Variants in CCDC144A observed in about 807,000 individuals in gnomAD.
The protein encoded by CCDC144A is coiled-coil domain containing 144A.
Under a neutral mutation model 143.8 loss-of-function variants are expected in CCDC144A, and 41 were observed. That is an observed-to-expected ratio of 0.29 (90% CI 0.22 to 0.37). The LOEUF is 0.37. Ranked by LOEUF, CCDC144A falls within the 10% of genes least tolerant of loss-of-function variation. The pLI is 1.00. For missense variants in CCDC144A, 637 were observed against 1,488.8 expected (o/e 0.43, Z 9.41); for synonymous variants, 242 against 517.9 (o/e 0.47, Z 7.23).
At position 16,775,054 on chromosome 17, in the gene CCDC144A, A is replaced by C. The variant is rs1597602342; in HGVS notation, c.*1421A>C. 2 of 151,744 alleles carry C rather than the reference A, an allele frequency of 1.3e-5. No individual in the cohort carries two copies. Among genetic ancestry groups the C allele is most frequent in the African/African-American group, 4.8e-5 (2 of 41,250 alleles). 9.4% of individuals were successfully genotyped at this position (151,744 alleles called of 1,614,324 possible). On this transcript the variant is annotated 3_prime_UTR_variant, in exon 17 of 17. Transcript: ENST00000399273. ...CAAAGGACATGTCTCATTCCTTTTCATGGCTGCATAGTATTCCATGGTGTA... is the reference window on the plus strand; with the variant it reads ...CAAAGGACATGTCTCATTCCTTTTCCTGGCTGCATAGTATTCCATGGTGTA...
intron 12 of CCDC144A, among the ~76,000 whole-genome samples, chr17:16,748,275 C>T (rs1914629893): frequency 6.6e-6 from 1 of 151,966 alleles, no homozygotes; most frequent in Non-Finnish European, 1.5e-5. Flanking sequence ...TCTTTGATGC[C>T]TAATTTGTTG....
At chr17:16,680,640 G>C in the CCDC144A span, among the ~76,000 whole-genome samples, 1 of 147,328 alleles carries the variant, frequency 6.8e-6, no homozygotes, top group Non-Finnish European at 1.5e-5. Flanking sequence ...AGGAAGAAAG[G>C]GAGGGAGGGA....
At chr17:16,762,131 C>G (rs539498280) in intron 13 of CCDC144A, among the ~76,000 whole-genome samples, 182 bp from the exon 14 acceptor site, 287 of 152,316 alleles carry the variant, frequency 1.9e-3, no homozygotes, top group African/African-American at 6.6e-3. Flanking sequence ...TCAGTTGGTA[C>G]TGGTGATAAA....
At chr17:16,772,245 TCTGGCTC>T in intron 16 of CCDC144A, among the ~76,000 whole-genome samples, 1 of 151,708 alleles carries the variant, frequency 6.6e-6, no homozygotes, top group Non-Finnish European at 1.5e-5. Context: ...GCTCAAGAAG[TCTGGCTC>T]TACTCTTCAC....
At chr17:16,690,914 T>G (rs1275624311) in intron 1 of CCDC144A, among the ~76,000 whole-genome samples, 170 bp downstream of exon 1, 1 of 151,760 alleles carries the variant, frequency 6.6e-6, no homozygotes, top group Admixed American at 6.5e-5. Flanking sequence ...AGTGTTGGTC[T>G]ACTTTACAGG....
In CCDC144A at chr17:16,699,115, A is replaced by T. The variant is rs529990242; in HGVS notation, c.416-6036A>T. On this transcript the variant is annotated intron_variant, in intron 2 of 16. Transcript: ENST00000399273. ...TCTGCACCACAATGACACAATGATG[A>T]TGGTCTGCCAAGATTTTAAGTGTCT... is the stretch of plus-strand genomic sequence containing the variant. Among the ~76,000 whole-genome samples the T allele has an allele frequency of 6.5e-3, 985 of 151,894 alleles. 12 individuals carry two copies. Among genetic ancestry groups the T allele is most frequent in the African/African-American group, 0.022 (913 of 41,384 alleles).
Position 16,690,352 on chromosome 17 carries a change from G to C in CCDC144A, c.-49G>C. 1 of 1,404,002 alleles carries C rather than the reference G, an allele frequency of 7.1e-7. No individual in the cohort carries two copies. Among genetic ancestry groups the C allele is most frequent in the South Asian group, 1.5e-5 (1 of 67,604 alleles). The allele number at this position is 1,404,002 out of a possible 1,614,324, so 87.0% of individuals were successfully genotyped here. A position where few individuals can be genotyped will look rare whatever the true frequency, so the allele number is the denominator to read the frequency against. ...GTCCTCCTTTCGCAGATTGGAAACCGCGGGCTATCCTGCTGGGAGGTTGTG... is the reference window on the plus strand; with the variant it reads ...GTCCTCCTTTCGCAGATTGGAAACCCCGGGCTATCCTGCTGGGAGGTTGTG... On this transcript the variant is annotated 5_prime_UTR_variant, in exon 1 of 17. Transcript: ENST00000399273.
chr17:16,736,262 G>T (rs1196308043), intron 12 of CCDC144A, among the ~76,000 whole-genome samples: 1 of 117,608 alleles, frequency 8.5e-6, no homozygotes, highest in African/African-American at 3.1e-5. Context: ...TTTTTGAGAT[G>T]GAATTTTGCT....
intron 15 of CCDC144A, among the ~76,000 whole-genome samples, chr17:16,768,319 C>G (rs1319148095): frequency 6.6e-6 from 1 of 152,144 alleles, no homozygotes; most frequent in Non-Finnish European, 1.5e-5. Context: ...TAATACCAAA[C>G]AGGTCCTATT....
chr17:16,737,122 T>C (rs1914045808), intron 12 of CCDC144A, among the ~76,000 whole-genome samples: 1 of 150,798 alleles, frequency 6.6e-6, no homozygotes, highest in Non-Finnish European at 1.5e-5. Flanking sequence ...GAATCATATA[T>C]GTGTTGATGT....
chr17:16,702,370 T>A (rs1291749683), intron 2 of CCDC144A, among the ~76,000 whole-genome samples: 2 of 152,170 alleles, frequency 1.3e-5, no homozygotes, highest in Non-Finnish European at 2.9e-5. Flanking sequence ...GGAGGTGAAT[T>A]TGAGCCTTGT....
At chr17:16,696,351 G>A (rs1459196208) in intron 2 of CCDC144A, among the ~76,000 whole-genome samples, 1 of 109,638 alleles carries the variant, frequency 9.1e-6, no homozygotes, top group Non-Finnish European at 2.0e-5. Flanking sequence ...TAGATCTCGG[G>A]CCGGGCATGG....
intron 4 of CCDC144A, among the ~76,000 whole-genome samples, chr17:16,707,934 C>T (rs1223301553): frequency 6.6e-6 from 1 of 152,080 alleles, no homozygotes. Flanking sequence ...TGGCCAGTGG[C>T]TCAAATTTTG....
At chr17:16,764,926 G>C (rs1264622788) in intron 15 of CCDC144A, 1 of 133,350 alleles carries the variant, frequency 7.5e-6, no homozygotes, top group Non-Finnish European at 1.6e-5. Context: ...GACTAAGATG[G>C]CAATGGTATC....
chr17:16,707,132 A>T (rs1303937740), intron 3 of CCDC144A: 1 of 243,500 alleles, frequency 4.1e-6, no homozygotes, highest in Non-Finnish European at 7.9e-6. Flanking sequence ...AGTATGCAGC[A>T]TTGCCTGATA....
the CCDC144A span, among the ~76,000 whole-genome samples, chr17:16,680,162 C>T: frequency 6.6e-6 from 1 of 151,912 alleles, no homozygotes; most frequent in East Asian, 1.9e-4. Flanking sequence ...GGCATGGTGG[C>T]TCATGCCTAT....
chr17:16,673,209 A>G, the CCDC144A span, among the ~76,000 whole-genome samples: 1 of 151,802 alleles, frequency 6.6e-6, no homozygotes. Context: ...TAACACCACC[A>G]CATACTAGGG....
Position 16,690,377 on chromosome 17 carries a change from G to A in CCDC144A, c.-24G>A, listed in dbSNP as rs1910975087. 6.7e-7 allele frequency: 1 copy of A among 1,488,836 alleles called. No homozygotes were observed. The highest frequency in any genetic ancestry group is 9.0e-7 in the Non-Finnish European group (1 of 1,116,568). 92.2% of individuals were successfully genotyped at this position (1,488,836 alleles called of 1,614,324 possible). A position where few individuals can be genotyped will look rare whatever the true frequency, so the allele number is the denominator to read the frequency against. Reference sequence around the variant, plus strand: ...GCGGGCTATCCTGCTGGGAGGTTGTGGCCGAGGCAGTAGCTCGCTACTGAT... The same window carrying A: ...GCGGGCTATCCTGCTGGGAGGTTGTAGCCGAGGCAGTAGCTCGCTACTGAT... On this transcript the variant is annotated 5_prime_UTR_variant, in exon 1 of 17. Transcript: ENST00000399273.
At position 16,690,419 on chromosome 17, in the gene CCDC144A, G is replaced by C. The variant is rs1267531380; in HGVS notation, c.19G>C (p.Glu7Gln). The C allele has an allele frequency of 6.3e-7, 1 of 1,579,682 alleles. No individual in the cohort carries two copies. Among genetic ancestry groups the C allele is most frequent in the Non-Finnish European group, 8.6e-7 (1 of 1,161,346 alleles). MASWGG[E>Q]KRGGAEGSPK... is the part of the protein sequence containing the mutation. The stretch of plus-strand genomic sequence containing the variant: ...GCTACTGATGGCCTCCTGGGGTGGA[G>C]AAAAGCGGGGAGGGGCTGAGGGGTC... The change falls in exon 1 of 17, where the codon GAA becomes CAA. Residue 7 changes from glutamate (E) to glutamine (Q), a missense_variant. By Grantham distance (29) the Glu-to-Gln change is conservative (BLOSUM62 2). Coordinates refer to ENST00000399273, the MANE Select transcript of CCDC144A (RefSeq NM_001382000.1).
Sources: allele counts gnomAD v4.1 joint callset (sites outside exome capture counted in the v4.1 genomes callset), GRCh38; gene constraint gnomAD v4.1.1; transcripts MANE v1.5; gene names NCBI Gene and HGNC (gene_info 2026-07-23, HGNC 2026-07-21).